The following ZC3H12B variants were observed in gnomAD, a reference collection of about 807,000 sequenced individuals.
ZC3H12B encodes the protein probable ribonuclease ZC3H12B.
In ZC3H12B, 7 loss-of-function variants were observed where a neutral mutation model predicts 43.9. The ratio of observed to expected loss-of-function variants is 0.16; its 90% CI spans 0.09 to 0.30. ZC3H12B has a LOEUF of 0.30. Among genes scored for constraint, ZC3H12B ranks in the 10% least tolerant of loss-of-function variants. ZC3H12B has a pLI of 1.00. For synonymous variants in ZC3H12B, 222 were observed against 241.7 expected, an observed-to-expected ratio of 0.92 and a Z score of 0.76; for missense variants, 475 against 670.2, an observed-to-expected ratio of 0.71 and a Z score of 3.22.
At chrX:65,121,555 G>T in the ZC3H12B span, among the ~76,000 whole-genome samples, 1 of 110,356 alleles carries the variant, frequency 9.1e-6, no homozygotes, top group Non-Finnish European at 1.9e-5. Context: ...TTCTTTATTA[G>T]TCTTGCTAGC....
At chrX:65,507,831 A>T (rs1018208604) in exon 5 of ZC3H12B, 3 of 112,591 alleles carry the variant, frequency 2.7e-5, no homozygotes, top group African/African-American at 9.7e-5. Context: ...TGTATTGCTG[A>T]CAACAATGAA....
intron 3 of ZC3H12B, among the ~76,000 whole-genome samples, chrX:65,411,919 TAAAA>T (rs1278366713): frequency 9.2e-6 from 1 of 108,352 alleles, no homozygotes; most frequent in Non-Finnish European, 1.9e-5. Flanking sequence ...TAAAATAAAA[TAAAA>T]TAAAATAAAT....
chrX:65,445,336 T>C (rs1264376183), intron 3 of ZC3H12B, among the ~76,000 whole-genome samples: 1 of 112,303 alleles, frequency 8.9e-6, no homozygotes, highest in Non-Finnish European at 1.9e-5. Flanking sequence ...GGTTTGTTTA[T>C]TCTCATCTTT....
chrX:65,267,508 G>A, the ZC3H12B span, among the ~76,000 whole-genome samples: 50 of 109,588 alleles, frequency 4.6e-4, no homozygotes, highest in Non-Finnish European at 9.0e-4. Context: ...GGGGAAAAAA[G>A]GAAAAAAAAT....
At chrX:65,228,885 C>G in the ZC3H12B span, among the ~76,000 whole-genome samples, 24 of 111,490 alleles carry the variant, frequency 2.2e-4, no homozygotes, top group East Asian at 5.6e-4. Flanking sequence ...AATAAAAGAG[C>G]ATACAAACAA....
At chrX:65,378,555 A>G (rs1454381031) in intron 2 of ZC3H12B, among the ~76,000 whole-genome samples, 1 of 112,548 alleles carries the variant, frequency 8.9e-6, no homozygotes, top group African/African-American at 3.2e-5. Context: ...AAGAAAAAAG[A>G]CTACAAAACA....
the ZC3H12B span, among the ~76,000 whole-genome samples, chrX:65,041,858 C>A: frequency 8.9e-6 from 1 of 111,743 alleles, no homozygotes; most frequent in Non-Finnish European, 1.9e-5. Flanking sequence ...GCACTAAAAT[C>A]CAGCATTTCT....
At chrX:65,165,306 A>C in the ZC3H12B span, among the ~76,000 whole-genome samples, 1 of 112,245 alleles carries the variant, frequency 8.9e-6, no homozygotes, top group South Asian at 3.7e-4. Flanking sequence ...ATACATGTAC[A>C]GAACGTACAG....
At chrX:65,390,903 G>T (rs1366175192) in intron 2 of ZC3H12B, among the ~76,000 whole-genome samples, 1 of 111,368 alleles carries the variant, frequency 9.0e-6, no homozygotes, top group African/African-American at 3.3e-5. Flanking sequence ...ATAAAACTAG[G>T]AATCAATAAT....
chrX:65,062,725 A>G, the ZC3H12B span, among the ~76,000 whole-genome samples: 3 of 112,225 alleles, frequency 2.7e-5, no homozygotes, highest in African/African-American at 3.2e-5. Flanking sequence ...TGGGAATAAC[A>G]TTGAATCTAT....
chrX:65,400,326 A>G (rs1312286674), intron 3 of ZC3H12B, among the ~76,000 whole-genome samples: 1 of 111,249 alleles, frequency 9.0e-6, no homozygotes, highest in East Asian at 2.8e-4. Context: ...TTTAGAAATC[A>G]GAGAATTTTA....
chrX:65,145,128 T>A, the ZC3H12B span, among the ~76,000 whole-genome samples: 13 of 111,732 alleles, frequency 1.2e-4, no homozygotes, highest in Non-Finnish European at 1.5e-4. Flanking sequence ...TATTAATCGT[T>A]TTATAAATGT....
the ZC3H12B span, among the ~76,000 whole-genome samples, chrX:65,140,194 G>C: frequency 9.0e-6 from 1 of 111,245 alleles, no homozygotes; most frequent in African/African-American, 3.3e-5. Context: ...AGCTTTCATC[G>C]TTTTACTGTT....
chrX:65,071,967 C>A, the ZC3H12B span, among the ~76,000 whole-genome samples: 1 of 111,528 alleles, frequency 9.0e-6, no homozygotes, highest in African/African-American at 3.3e-5. Flanking sequence ...TGTGTGAGTT[C>A]TCTGCATTTC....
At chrX:65,282,441 G>A in the ZC3H12B span, among the ~76,000 whole-genome samples, 1 of 111,852 alleles carries the variant, frequency 8.9e-6, no homozygotes, top group Non-Finnish European at 1.9e-5. Flanking sequence ...ATAAGGCAAC[G>A]TAGAAAAATA....
At chrX:65,360,225 G>T in the ZC3H12B span, among the ~76,000 whole-genome samples, 1 of 112,275 alleles carries the variant, frequency 8.9e-6, no homozygotes, top group Non-Finnish European at 1.9e-5. Context: ...TGATATTTAC[G>T]TTGTTACAAT....
At chrX:65,322,832 TA>T in the ZC3H12B span, among the ~76,000 whole-genome samples, 1 of 111,865 alleles carries the variant, frequency 8.9e-6, no homozygotes, top group Non-Finnish European at 1.9e-5. Flanking sequence ...CCTTAAGTTT[TA>T]TGAACATTTT....
At chrX:65,296,146 A>G in the ZC3H12B span, among the ~76,000 whole-genome samples, 2 of 112,205 alleles carry the variant, frequency 1.8e-5, no homozygotes, top group African/African-American at 3.2e-5. Flanking sequence ...AAATAAATGC[A>G]GTATATGTAT....
At chrX:65,099,486 G>A in the ZC3H12B span, among the ~76,000 whole-genome samples, 1 of 111,574 alleles carries the variant, frequency 9.0e-6, no homozygotes, top group Non-Finnish European at 1.9e-5. Flanking sequence ...GCTCTGGCTG[G>A]CACCAGGCCA....
Sources: allele counts gnomAD v4.1 joint callset (sites outside exome capture counted in the v4.1 genomes callset), GRCh38; gene constraint gnomAD v4.1.1; transcripts MANE v1.5; gene names NCBI Gene and HGNC (gene_info 2026-07-23, HGNC 2026-07-21).